Variants in MFHAS1 observed in about 807,000 individuals in gnomAD.
MFHAS1 encodes the protein multifunctional ROCO family signaling regulator 1.
Under a neutral mutation model 70.4 loss-of-function variants are expected in MFHAS1, and 50 were observed. The observed-to-expected ratio is 0.71, with a 90% CI of 0.57 to 0.90. The LOEUF (loss-of-function observed/expected upper bound fraction) is 0.90. Ranked by LOEUF, MFHAS1 falls within the 40% of genes least tolerant of loss-of-function variation. The probability of loss-of-function intolerance (pLI) is 0.00; values close to 1 mark genes in which losing one functional copy is unlikely to be tolerated. For synonymous variants in MFHAS1, 952 were observed against 620.0 expected (o/e 1.54, Z -7.96); for missense variants, 1,795 against 1,347.6 (o/e 1.33, Z -5.20).
intron 1 of MFHAS1, chr8:8,822,038 A>T (rs1009992312): frequency 3.9e-5 from 6 of 152,312 alleles, no homozygotes; most frequent in African/African-American, 1.4e-4. Flanking sequence ...TGAAGCCTGC[A>T]CGAGATGCTA....
chr8:8,793,708 T>C (rs1805794960), intron 2 of MFHAS1, among the ~76,000 whole-genome samples: 1 of 152,246 alleles, frequency 6.6e-6, no homozygotes, highest in African/African-American at 2.4e-5. Context: ...AGAGCAGGTA[T>C]TGACCACAGA....
rs55756300 is a variant in MFHAS1 at position 8,796,688 on chromosome 8, C to CAAAAAAAAAAAAAAAA, written c.3125+676_3125+677insTTTTTTTTTTTTTTTT. On this transcript the variant is annotated intron_variant, in intron 2 of 2. Transcript: ENST00000276282. Reference sequence around the variant, plus strand: ...GACAGAGCAAGACTCCGTCTCAAAACAAAAAAAAAAAAAAAGGCAAAAAAA... The same window carrying CAAAAAAAAAAAAAAAA: ...GACAGAGCAAGACTCCGTCTCAAAACAAAAAAAAAAAAAAAAAAAAAAAAAAAAAAAGGCAAAAAAA... Among the ~76,000 whole-genome samples, 10 of 24,758 alleles carry CAAAAAAAAAAAAAAAA rather than the reference C, an allele frequency of 4.0e-4. 3 individuals are homozygous for CAAAAAAAAAAAAAAAA. Among genetic ancestry groups the CAAAAAAAAAAAAAAAA allele is most frequent in the African/African-American group, 1.7e-3 (10 of 5,872 alleles). The allele number at this position is 24,758 out of a possible 152,430, so 16.2% of individuals were successfully genotyped here.
chr8:8,848,948 A>G (rs1379619393), intron 1 of MFHAS1, among the ~76,000 whole-genome samples: 3 of 151,732 alleles, frequency 2.0e-5, no homozygotes, highest in South Asian at 4.2e-4. Flanking sequence ...TCAAAACACT[A>G]TTATACTTAC....
chr8:8,874,833 C>A (rs1809228024), intron 1 of MFHAS1, among the ~76,000 whole-genome samples: 2 of 149,536 alleles, frequency 1.3e-5, no homozygotes, highest in South Asian at 2.1e-4. Flanking sequence ...GAAAAAAATG[C>A]CTTAAGTATG....
chr8:8,801,634 C>G (rs181750945), intron 1 of MFHAS1, among the ~76,000 whole-genome samples: 8 of 152,334 alleles, frequency 5.3e-5, no homozygotes, highest in African/African-American at 1.7e-4. Context: ...TCTAGCAAAA[C>G]AGAAGCTAAT....
At chr8:8,841,426 C>T (rs1300598282) in intron 1 of MFHAS1, among the ~76,000 whole-genome samples, 1 of 151,954 alleles carries the variant, frequency 6.6e-6, no homozygotes, top group Non-Finnish European at 1.5e-5. Context: ...CGGGAATGCA[C>T]CACTGCACTA....
intron 1 of MFHAS1, among the ~76,000 whole-genome samples, chr8:8,826,553 C>T (rs1204269655): frequency 6.6e-6 from 1 of 152,026 alleles, no homozygotes; most frequent in Non-Finnish European, 1.5e-5. Flanking sequence ...GCCAACACGG[C>T]GAAACCTCAT....
chr8:8,824,093 A>C (rs1349755089), intron 1 of MFHAS1, among the ~76,000 whole-genome samples: 1 of 151,508 alleles, frequency 6.6e-6, no homozygotes, highest in Non-Finnish European at 1.5e-5. Flanking sequence ...GGCAGAACTA[A>C]ATCTATGCAT....
At chr8:8,823,516 C>T (rs962253735) in intron 1 of MFHAS1, among the ~76,000 whole-genome samples, 2 of 152,024 alleles carry the variant, frequency 1.3e-5, no homozygotes, top group African/African-American at 2.4e-5. Flanking sequence ...AGGGTCTCTT[C>T]GAGCTTTAAA....
intron 1 of MFHAS1, among the ~76,000 whole-genome samples, chr8:8,808,729 T>G (rs1005627209): frequency 2.0e-5 from 3 of 152,194 alleles, no homozygotes; most frequent in Non-Finnish European, 2.9e-5. Flanking sequence ...GACATTACAT[T>G]TGTGGGCAAA....
At position 8,891,724 on chromosome 8, in the gene MFHAS1, C is replaced by T. The variant is rs373170092; in HGVS notation, c.1335G>A (p.Lys445=). 9.9e-6 allele frequency: 16 copies of T among 1,613,322 alleles called. No homozygotes were observed. The highest frequency in any genetic ancestry group is 1.4e-5 in the Non-Finnish European group (16 of 1,180,034). ...CAGGGGGAGGTGACGGTGGGTAGCA[C>T]TTCTCCTTGTCCCCTCCTCCTGGGC... The part of the protein sequence containing the change: ...EGCPGGGDKE[K]CYPPSPPPVS... The change falls in exon 1 of 3, where the codon AAG becomes AAA. Residue 445 remains lysine (K), a synonymous_variant. Transcript: ENST00000276282. This position sits in a 1 kb window ranked among gnomAD's most constrained non-coding sequence, Gnocchi z 5.4.
intron 1 of MFHAS1, among the ~76,000 whole-genome samples, chr8:8,828,549 G>C (rs1047424750): frequency 1.3e-5 from 2 of 152,138 alleles, no homozygotes; most frequent in Non-Finnish European, 2.9e-5. Flanking sequence ...CCATTACCTA[G>C]AGCCTGCAAT....
rs143338986 is a variant in MFHAS1, at chr8:8,890,558, T to C, written c.2501A>G (p.Asn834Ser). The C allele has an allele frequency of 6.9e-4, 1,113 of 1,613,568 alleles. 3 individuals are homozygous for C. The highest frequency in any genetic ancestry group is 5.2e-3 in the African/African-American group (387 of 75,056). Reference sequence around the variant, plus strand: ...ATTCAAAGGCTTGCCCTTGGGTTTATTGAGGCAGTAACAGAGTCCCATCTT... The same window carrying C: ...ATTCAAAGGCTTGCCCTTGGGTTTACTGAGGCAGTAACAGAGTCCCATCTT... ...LEKMGLCYCL[N>S]KPKGKPLNGS... The change falls in exon 1 of 3, where the codon AAT (asparagine) becomes AGT (serine). Residue 834 changes from asparagine (N) to serine (S), a missense_variant. Transcript: ENST00000276282.
intron 1 of MFHAS1, among the ~76,000 whole-genome samples, chr8:8,873,644 C>T (rs1416890792): frequency 6.6e-6 from 1 of 152,156 alleles, no homozygotes; most frequent in East Asian, 1.9e-4. Flanking sequence ...GTGCAGAACA[C>T]ACCAAGCTTA....
intron 1 of MFHAS1, among the ~76,000 whole-genome samples, chr8:8,808,553 G>T (rs1356184122): frequency 6.6e-6 from 1 of 152,028 alleles, no homozygotes; most frequent in South Asian, 2.1e-4. Context: ...ACTTAATAAG[G>T]AAAGAAAAAA....
rs953715551 is a variant in MFHAS1, at chr8:8,875,683, T to A, written c.2998+14378A>T. On this transcript the variant is annotated intron_variant, in intron 1 of 2. Coordinates refer to ENST00000276282, the MANE Select transcript of MFHAS1 (RefSeq NM_004225.3). Reference sequence around the variant, plus strand: ...TCAGCTCACCGTAACCTCTGCCTCCTGGGTTCAAGCGATTCTCCTGCCTCA... The same window carrying A: ...TCAGCTCACCGTAACCTCTGCCTCCAGGGTTCAAGCGATTCTCCTGCCTCA... 3.3e-5 allele frequency among the ~76,000 whole-genome samples: 5 copies of A among 152,130 alleles called. No homozygotes were observed. In the East Asian group the frequency reaches 9.6e-4, roughly 29 times the overall value.
Position 8,892,603 on chromosome 8 carries a change from G to A in MFHAS1, c.456C>T (p.Ala152=), listed in dbSNP as rs61740135. Residue 152 remains alanine (A), a synonymous_variant, in exon 1 of 3, where the codon GCC becomes GCT. Transcript: ENST00000276282. This position sits in a 1 kb window ranked among gnomAD's most constrained non-coding sequence, Gnocchi z 4.7. The part of the protein sequence containing the change: ...LSHNQLPALP[A]QLGALAHLEE... ...CCAGGTGAGCGAGAGCGCCCAGCTG[G>A]GCGGGCAGGGCGGGCAGCTGGTTGT... 4.5e-3 allele frequency: 7,158 copies of A among 1,608,200 alleles called. 180 individuals carry two copies. In the African/African-American group the frequency reaches 0.063, roughly 14 times the overall value.
chr8:8,840,384 G>C (rs1157832692), intron 1 of MFHAS1, among the ~76,000 whole-genome samples: 8 of 150,966 alleles, frequency 5.3e-5, no homozygotes, highest in Non-Finnish European at 1.2e-4. Context: ...TTGAACCTGG[G>C]AGACGGAGCT....
chr8:8,840,847 G>T (rs1585045814), intron 1 of MFHAS1, among the ~76,000 whole-genome samples: 1 of 152,062 alleles, frequency 6.6e-6, no homozygotes, highest in East Asian at 1.9e-4. Flanking sequence ...GGTGTAGAAG[G>T]TACCACTTTT....
Sources: allele counts gnomAD v4.1 joint callset (sites outside exome capture counted in the v4.1 genomes callset), GRCh38; gene constraint gnomAD v4.1.1; non-coding constraint Gnocchi (gnomAD v3.1); transcripts MANE v1.5; gene names NCBI Gene and HGNC (gene_info 2026-07-23, HGNC 2026-07-21).